The following GRIK1 variants were observed in gnomAD, a reference collection of about 807,000 sequenced individuals.
GRIK1 encodes glutamate ionotropic receptor kainate type subunit 1, also known as glutamate receptor ionotropic, kainate 1.
Under a neutral mutation model 105.7 loss-of-function variants are expected in GRIK1, and 69 were observed. That is an observed-to-expected ratio of 0.65 (90% CI 0.54 to 0.80). The LOEUF (loss-of-function observed/expected upper bound fraction) is 0.80, where lower values mean the gene tolerates loss of function less well. Ranked by LOEUF, GRIK1 falls within the 30% of genes least tolerant of loss-of-function variation. The pLI, the probability that GRIK1 is intolerant of heterozygous loss-of-function variation, is 0.00. For synonymous variants in GRIK1, 438 were observed against 431.3 expected (o/e 1.02, Z -0.19); for missense variants, 1,109 against 1,167.3 (o/e 0.95, Z 0.73).
At chr21:29,799,076 C>T (rs2066633992) in intron 1 of GRIK1, among the ~76,000 whole-genome samples, 1 of 152,214 alleles carries the variant, frequency 6.6e-6, no homozygotes, top group African/African-American at 2.4e-5. Context: ...AGAATGCCAG[C>T]AATCCCAGGC....
In GRIK1 at chr21:29,643,069, G is replaced by A. The variant is rs551524556; in HGVS notation, c.955-100C>T. The A allele has an allele frequency of 9.5e-6, 11 of 1,154,616 alleles. No homozygotes were observed. The East Asian group carries it at 2.6e-4, about 27-fold the overall frequency. The allele number at this position is 1,154,616 out of a possible 1,614,324, so 71.5% of individuals were successfully genotyped here. A position where few individuals can be genotyped will look rare whatever the true frequency, so the allele number is the denominator to read the frequency against. On this transcript the variant is annotated intron_variant, in intron 6 of 17. Coordinates refer to ENST00000327783, the MANE Select transcript of GRIK1 (RefSeq NM_001330994.2). The stretch of plus-strand genomic sequence containing the variant: ...CTGCTTCCATAGCTCTTATCTGTCT[G>A]ATCTCAAAGGCCATTTACTCTTCAG...
At chr21:29,632,812 G>A (rs1477965553) in intron 7 of GRIK1, among the ~76,000 whole-genome samples, 1 of 152,154 alleles carries the variant, frequency 6.6e-6, no homozygotes, top group Admixed American at 6.6e-5. Context: ...ACTAAGAAGA[G>A]TTTGGCAGAA....
At chr21:29,930,021 G>C (rs972642704) in intron 1 of GRIK1, among the ~76,000 whole-genome samples, 2 of 152,136 alleles carry the variant, frequency 1.3e-5, no homozygotes, top group African/African-American at 4.8e-5. Context: ...GCTGCAACAT[G>C]AATAAACCTG....
intron 1 of GRIK1, among the ~76,000 whole-genome samples, chr21:29,799,216 G>A (rs2066638628): frequency 6.6e-6 from 1 of 152,134 alleles, no homozygotes; most frequent in Admixed American, 6.5e-5. Context: ...TTAAAAATCT[G>A]TCTTGCTTAA....
In GRIK1 at chr21:29,689,742, T is replaced by C. The variant is rs917905349; in HGVS notation, c.530A>G (p.Tyr177Cys). 2 of 1,613,946 alleles carry C rather than the reference T, an allele frequency of 1.2e-6. No homozygotes were observed. Among genetic ancestry groups the C allele is most frequent in the Non-Finnish European group, 1.7e-6 (2 of 1,179,802 alleles). The change falls in exon 3 of 18, where the codon TAT becomes TGT. Residue 177 changes from tyrosine to cysteine, a missense_variant. Transcript: ENST00000327783. ...GAGTCCCATACCTGTGCTGTCTTCA[T>C]ACACCACTGTCACTGTTTTCCAGTT... ...YYNWKTVTVV[Y>C]EDSTGLIRLQ...
intron 7 of GRIK1, among the ~76,000 whole-genome samples, chr21:29,629,219 T>G (rs373972445): frequency 6.6e-5 from 10 of 151,000 alleles, no homozygotes; most frequent in African/African-American, 1.2e-4. Context: ...TGTGTGTGTG[T>G]GTGTGTGTGT....
intron 1 of GRIK1, among the ~76,000 whole-genome samples, chr21:29,933,371 A>G (rs574730131): frequency 1.3e-5 from 2 of 152,168 alleles, no homozygotes; most frequent in African/African-American, 2.4e-5. Context: ...TGCTCTGGGG[A>G]GCATGAGTTG....
intron 1 of GRIK1, among the ~76,000 whole-genome samples, chr21:29,767,521 A>G (rs1168735724): frequency 6.6e-6 from 1 of 152,192 alleles, no homozygotes; most frequent in Non-Finnish European, 1.5e-5. Flanking sequence ...GATGGAAAAA[A>G]AAAAAGAACT....
At chr21:29,858,950 ATT>A (rs201141763) in intron 1 of GRIK1, among the ~76,000 whole-genome samples, 33 of 147,794 alleles carry the variant, frequency 2.2e-4, no homozygotes, top group African/African-American at 7.3e-4. Context: ...TAAATTCTAC[ATT>A]TTTTTTGTAG....
intron 1 of GRIK1, among the ~76,000 whole-genome samples, chr21:29,695,488 A>ATATT (rs1313411346): frequency 6.6e-6 from 1 of 150,964 alleles, no homozygotes; most frequent in Non-Finnish European, 1.5e-5. Flanking sequence ...ATATATATAT[A>ATATT]TTTTGAGATG....
intron 9 of GRIK1, among the ~76,000 whole-genome samples, chr21:29,592,973 C>T (rs2061353877): frequency 6.6e-6 from 1 of 152,160 alleles, no homozygotes; most frequent in African/African-American, 2.4e-5. Flanking sequence ...GAGTGTTAGG[C>T]TCCATCCTCC....
At chr21:29,693,763 C>T (rs1373149591) in intron 2 of GRIK1, 133 bp downstream of exon 2, 5 of 670,094 alleles carry the variant, frequency 7.5e-6, no homozygotes, top group Admixed American at 2.5e-5. Flanking sequence ...TCAGTGACAT[C>T]GAAGACCCAG....
chr21:29,610,126 T>C (rs1172355527), intron 7 of GRIK1, among the ~76,000 whole-genome samples: 5 of 152,190 alleles, frequency 3.3e-5, no homozygotes, highest in Non-Finnish European at 5.9e-5. Context: ...AATTTTCTAG[T>C]AGACCAGGAA....
At position 29,920,663 on chromosome 21, in the gene GRIK1, C is replaced by T. The variant is rs144250624; in HGVS notation, c.118+18720G>A. On this transcript the variant is annotated intron_variant, in intron 1 of 17. Coordinates refer to ENST00000327783, the MANE Select transcript of GRIK1 (RefSeq NM_001330994.2). ...CCATGAAAACAGACAGTCTATCCTGCTCATTCATATGTATCCAGTGGCCTG... is the reference window on the plus strand; with the variant it reads ...CCATGAAAACAGACAGTCTATCCTGTTCATTCATATGTATCCAGTGGCCTG... Among the ~76,000 whole-genome samples, 308 of 152,170 alleles carry T rather than the reference C, an allele frequency of 2.0e-3. 3 individuals carry two copies. Among genetic ancestry groups the T allele is most frequent in the Admixed American group, 4.3e-3 (66 of 15,292 alleles).
intron 3 of GRIK1, among the ~76,000 whole-genome samples, chr21:29,681,754 T>C (rs1221631835): frequency 2.0e-5 from 3 of 151,088 alleles, no homozygotes; most frequent in African/African-American, 7.3e-5. Flanking sequence ...CAGTGGGTTC[T>C]ATCTGTTTTA....
At position 29,588,705 on chromosome 21, in the gene GRIK1, C is replaced by T. The variant is rs541852048; in HGVS notation, c.1569+134G>A. ...CTTCTAAGTAAGCAAACTCCATTTC[C>T]AGGCTGTTTTACTTTGCTTCTTAAA... On this transcript the variant is annotated intron_variant, in intron 11 of 17. Transcript: ENST00000327783. 1.2e-4 allele frequency: 71 copies of T among 614,788 alleles called. 1 individual carries two copies. In the South Asian group the frequency reaches 1.2e-3, roughly 10 times the overall value. The allele number at this position is 614,788 out of a possible 1,614,324, so 38.1% of individuals were successfully genotyped here. A position where few individuals can be genotyped will look rare whatever the true frequency, so the allele number is the denominator to read the frequency against.
At chr21:29,865,451 T>G (rs1411425013) in intron 1 of GRIK1, among the ~76,000 whole-genome samples, 1 of 152,260 alleles carries the variant, frequency 6.6e-6, no homozygotes, top group Non-Finnish European at 1.5e-5. Context: ...CGTAAAATTC[T>G]GGGCTTCAAC....
At chr21:29,691,527 C>T (rs540849298) in intron 2 of GRIK1, among the ~76,000 whole-genome samples, 118 of 152,190 alleles carry the variant, frequency 7.8e-4, no homozygotes, top group Non-Finnish European at 1.3e-3. Context: ...AATTCCCTTC[C>T]GGAAAGGTTG....
intron 1 of GRIK1, among the ~76,000 whole-genome samples, chr21:29,812,724 C>T (rs1231785234): frequency 1.3e-5 from 2 of 152,162 alleles, no homozygotes; most frequent in Admixed American, 1.3e-4. Flanking sequence ...ATATGCTACT[C>T]TGATTCCAAA....
Sources: allele counts gnomAD v4.1 joint callset (sites outside exome capture counted in the v4.1 genomes callset), GRCh38; gene constraint gnomAD v4.1.1; transcripts MANE v1.5; gene names NCBI Gene and HGNC (gene_info 2026-07-23, HGNC 2026-07-21).